Variants in SDK1 observed in about 807,000 individuals in gnomAD.
SDK1 encodes the protein protein sidekick-1.
SDK1 carries 157 observed loss-of-function variants against 245.5 expected under a neutral mutation model. That is an observed-to-expected ratio of 0.64 (90% CI 0.56 to 0.73). SDK1 has a LOEUF of 0.73. Ranked by LOEUF, SDK1 falls within the 30% of genes least tolerant of loss-of-function variation. SDK1 has a pLI of 0.00. For synonymous variants in SDK1, 1,647 were observed against 1,278.5 expected (o/e 1.29, Z -6.15); for missense variants, 3,583 against 3,002.3 (o/e 1.19, Z -4.52).
chr7:3,589,509 T>G (rs1443938045), intron 1 of SDK1, among the ~76,000 whole-genome samples: 1 of 152,190 alleles, frequency 6.6e-6, no homozygotes, highest in Non-Finnish European at 1.5e-5. Context: ...CATTTTCATA[T>G]TGCATGAAGA....
At chr7:3,689,739 C>T (rs906368867) in intron 4 of SDK1, among the ~76,000 whole-genome samples, 3 of 152,152 alleles carry the variant, frequency 2.0e-5, no homozygotes, top group African/African-American at 4.8e-5. Flanking sequence ...TGCTCCGTTC[C>T]TACTACAGAG....
chr7:4,154,048 C>G (rs560506771), intron 30 of SDK1, among the ~76,000 whole-genome samples: 1 of 152,238 alleles, frequency 6.6e-6, no homozygotes, highest in Non-Finnish European at 1.5e-5. Context: ...CAGTGAATCG[C>G]TTTAAAAAGA....
chr7:3,913,442 C>A (rs376305649), intron 5 of SDK1, among the ~76,000 whole-genome samples: 4 of 152,036 alleles, frequency 2.6e-5, no homozygotes, highest in African/African-American at 9.7e-5. Flanking sequence ...TACAGGCGCT[C>A]GCCACAACGC....
chr7:3,571,350 G>C (rs1461572366), intron 1 of SDK1, among the ~76,000 whole-genome samples: 1 of 151,726 alleles, frequency 6.6e-6, no homozygotes, highest in East Asian at 1.9e-4. Context: ...TCACGCACGT[G>C]GGGGTGCAGT....
intron 1 of SDK1, among the ~76,000 whole-genome samples, chr7:3,424,846 A>G (rs1038930439): frequency 5.3e-5 from 8 of 152,198 alleles, no homozygotes; most frequent in African/African-American, 1.2e-4. Flanking sequence ...GCAGTGAGCT[A>G]TGATAGCACT....
intron 33 of SDK1, 135 bp downstream of exon 33, chr7:4,174,492 G>T: frequency 9.8e-7 from 1 of 1,021,524 alleles, no homozygotes. Flanking sequence ...TCAGGAACAG[G>T]GAGCAGGCGG....
chr7:3,852,805 A>G (rs1265271283), intron 5 of SDK1, among the ~76,000 whole-genome samples: 1 of 151,912 alleles, frequency 6.6e-6, no homozygotes, highest in East Asian at 1.9e-4. Context: ...GCTTTTAAAA[A>G]CATGCCATTT....
chr7:4,265,192 C>T lies in SDK1; in HGVS notation c.6450C>T (p.Pro2150=). The T allele has an allele frequency of 6.2e-7, 1 of 1,612,100 alleles. No individual in the cohort carries two copies. The highest frequency in any genetic ancestry group is 8.5e-7 in the Non-Finnish European group (1 of 1,179,646). Residue 2150 remains proline, a synonymous_variant, in exon 45 of 45, where the codon CCC becomes CCT. Transcript: ENST00000404826. ...HSFVNHYMSD[P]TYYNSWKRRA... is the part of the protein sequence containing the mutation. Reference sequence around the variant, plus strand: ...TCGTGAACCACTACATGAGCGACCCCACCTACTACAACTCATGGAAGCGCA... The same window carrying T: ...TCGTGAACCACTACATGAGCGACCCTACCTACTACAACTCATGGAAGCGCA...
chr7:3,302,082 A>AC (rs1283194397), intron 1 of SDK1, 198 bp downstream of exon 1: 2 of 270,202 alleles, frequency 7.4e-6, no homozygotes, highest in East Asian at 2.1e-4. Flanking sequence ...TAGAGCCTGC[A>AC]CCCCGTCTGC....
intron 1 of SDK1, among the ~76,000 whole-genome samples, chr7:3,436,026 C>G (rs903089155): frequency 2.6e-5 from 4 of 152,160 alleles, no homozygotes; most frequent in African/African-American, 9.7e-5. Flanking sequence ...AGCTTAATAT[C>G]ATGTGATTTG....
chr7:3,879,822 A>G (rs1157007092), intron 5 of SDK1, among the ~76,000 whole-genome samples: 1 of 152,202 alleles, frequency 6.6e-6, no homozygotes, highest in Non-Finnish European at 1.5e-5. Context: ...GATTAAAACT[A>G]TATACAGCAT....
chr7:3,613,975 G>A (rs1187917029), intron 1 of SDK1, among the ~76,000 whole-genome samples: 1 of 152,166 alleles, frequency 6.6e-6, no homozygotes, highest in Non-Finnish European at 1.5e-5. Flanking sequence ...TCCTGTTGGA[G>A]CGTGGAGGAT....
At chr7:3,891,808 T>C (rs1781466870) in intron 5 of SDK1, among the ~76,000 whole-genome samples, 1 of 152,228 alleles carries the variant, frequency 6.6e-6, no homozygotes, top group Non-Finnish European at 1.5e-5. Context: ...CCAACCTTAA[T>C]TTGGTGAGAA....
intron 28 of SDK1, among the ~76,000 whole-genome samples, chr7:4,135,378 G>A (rs1779004470): frequency 6.6e-6 from 1 of 152,168 alleles, no homozygotes; most frequent in South Asian, 2.1e-4. Flanking sequence ...CACCCCAGAC[G>A]CTCTGCACTT....
chr7:4,069,301 CTGT>C (rs375923201), intron 20 of SDK1, among the ~76,000 whole-genome samples: 17 of 149,558 alleles, frequency 1.1e-4, no homozygotes, highest in African/African-American at 3.6e-4. Context: ...CAACAGACAT[CTGT>C]TTTTTTTCTA....
intron 1 of SDK1, among the ~76,000 whole-genome samples, chr7:3,349,317 C>T (rs1780595167): frequency 6.6e-6 from 1 of 151,164 alleles, no homozygotes; most frequent in Middle Eastern, 3.4e-3. Flanking sequence ...GACTGTGGTT[C>T]ATAATCACTT....
intron 7 of SDK1, among the ~76,000 whole-genome samples, chr7:3,952,715 A>G (rs1780932100): frequency 6.6e-6 from 1 of 152,044 alleles, no homozygotes; most frequent in African/African-American, 2.4e-5. Context: ...GAGAACAGAG[A>G]TGCTTCCTCA....
At chr7:3,501,105 G>A (rs909841781) in intron 1 of SDK1, among the ~76,000 whole-genome samples, 1 of 152,096 alleles carries the variant, frequency 6.6e-6, no homozygotes, top group African/African-American at 2.4e-5. Flanking sequence ...ATGCAAAGTG[G>A]CAGACTAAAA....
intron 4 of SDK1, among the ~76,000 whole-genome samples, chr7:3,659,966 A>T (rs1313311681): frequency 6.6e-6 from 1 of 152,200 alleles, no homozygotes; most frequent in African/African-American, 2.4e-5. Flanking sequence ...TGACAACTGG[A>T]TTCAGATCGG....
Sources: gnomAD v4.1 joint callset for allele counts (sites outside exome capture counted in the v4.1 genomes callset) on GRCh38, gnomAD v4.1.1 for gene constraint, MANE v1.5 for transcripts, NCBI Gene and HGNC (gene_info 2026-07-23, HGNC 2026-07-21) for gene names.